Variants in BAAT observed in about 807,000 individuals in gnomAD.
The protein encoded by BAAT is bile acid-CoA:amino acid N-acyltransferase.
BAAT carries 13 observed loss-of-function variants against 18.9 expected under a neutral mutation model. The ratio of observed to expected loss-of-function variants is 0.69; its 90% CI spans 0.45 to 1.10. The LOEUF (loss-of-function observed/expected upper bound fraction) is 1.10. Among genes scored for constraint, BAAT ranks in the 50% least tolerant of loss-of-function variants. The probability of loss-of-function intolerance (pLI) is 0.00; values close to 1 mark genes in which losing one functional copy is unlikely to be tolerated. For missense variants in BAAT, 489 were observed against 504.0 expected, an observed-to-expected ratio of 0.97 and a Z score of 0.28; for synonymous variants, 170 against 190.7, an observed-to-expected ratio of 0.89 and a Z score of 0.89.
At position 101,371,180 on chromosome 9, in the gene BAAT, G is replaced by A. The variant is rs867859273; in HGVS notation, c.225C>T (p.Pro75=). The A allele has an allele frequency of 1.9e-6, 3 of 1,614,048 alleles. No homozygotes were observed. Among genetic ancestry groups the A allele is most frequent in the East Asian group, 2.2e-5 (1 of 44,892 alleles). ...GTTTCAGAGACCAGAAGAGACCCAT[G>A]GGGTGGACTCCCATATAATCCCCTC... ...SLGGDYMGVH[P]MGLFWSLKPE... The change falls in exon 2 of 4, where the codon CCC becomes CCT. Residue 75 remains proline (P), a synonymous_variant. Coordinates refer to ENST00000259407, the MANE Select transcript of BAAT (RefSeq NM_001701.4).
intron 2 of BAAT, among the ~76,000 whole-genome samples, chr9:101,369,352 G>C (rs892961636): frequency 6.6e-6 from 1 of 152,160 alleles, no homozygotes; most frequent in Non-Finnish European, 1.5e-5. Context: ...AAATGAATAA[G>C]GATGTTTTTA....
chr9:101,363,759 G>A (rs1052424238), intron 3 of BAAT, among the ~76,000 whole-genome samples: 6 of 152,174 alleles, frequency 3.9e-5, no homozygotes, highest in Non-Finnish European at 8.8e-5. Context: ...TCAAAGAAAG[G>A]CTCTCAGAGG....
chr9:101,370,015 A>T lies in BAAT; in HGVS notation c.466+924T>A, dbSNP rs548700479. Among the ~76,000 whole-genome samples the T allele has an allele frequency of 2.0e-5, 3 of 152,278 alleles. No homozygotes were observed. The South Asian group carries it at 6.2e-4, about 32-fold the overall frequency. On this transcript the variant is annotated intron_variant, in intron 2 of 3. Transcript: ENST00000259407. ...ATATTTATGAAGCTAGAGGTTACAA[A>T]GTTTCTTGCATCCTCTATATTTGCT...
chr9:101,370,399 A>T (rs952948000), intron 2 of BAAT, among the ~76,000 whole-genome samples: 1 of 144,358 alleles, frequency 6.9e-6, no homozygotes, highest in Non-Finnish European at 1.5e-5. Context: ...TGCAGCCTCA[A>T]TCTCCGAGGC....
chr9:101,366,574 C>G (rs1046239113), intron 3 of BAAT, among the ~76,000 whole-genome samples: 1 of 152,020 alleles, frequency 6.6e-6, no homozygotes, highest in African/African-American at 2.4e-5. Flanking sequence ...AAAAGTCATG[C>G]AGCAAATATA....
At position 101,371,838 on chromosome 9, in the gene BAAT, TTATATA is replaced by T. The variant is rs1018701675; in HGVS notation, c.-59-381_-59-376del. 2.6e-5 allele frequency among the ~76,000 whole-genome samples: 4 copies of T among 152,048 alleles called. No individual in the cohort carries two copies. The East Asian group carries it at 7.7e-4, about 29-fold the overall frequency. Reference sequence around the variant, plus strand: ...GAAAATATGGTTATTTATTGAACGTTTATATATATATGAGACATTTGACTTCACGCT... The same window carrying T: ...GAAAATATGGTTATTTATTGAACGTTTATATGAGACATTTGACTTCACGCT... On this transcript the variant is annotated intron_variant, in intron 1 of 3. Coordinates refer to ENST00000259407, the MANE Select transcript of BAAT (RefSeq NM_001701.4).
At position 101,360,831 on chromosome 9, in the gene BAAT, G is replaced by T. The variant is rs571181388; in HGVS notation, c.*1597C>A. The T allele has an allele frequency of 1.5e-3, 236 of 156,818 alleles. No individual in the cohort carries two copies. Among genetic ancestry groups the T allele is most frequent in the Non-Finnish European group, 1.3e-3 (89 of 68,324 alleles). The allele number at this position is 156,818 out of a possible 1,614,324, so 9.7% of individuals were successfully genotyped here. A position where few individuals can be genotyped will look rare whatever the true frequency, so the allele number is the denominator to read the frequency against. ...AATAAGTTAAAATGCCATCATTGTA[G>T]CTATGCAGCCAAATGCAAACAAACA... is the stretch of plus-strand genomic sequence containing the variant. On this transcript the variant is annotated 3_prime_UTR_variant, in exon 4 of 4. Transcript: ENST00000259407.
Position 101,368,302 on chromosome 9 carries a change from C to A in BAAT, c.487G>T (p.Val163Leu), listed in dbSNP as rs771291562. The change falls in exon 3 of 4, where the codon GTA (valine) becomes TTA (leucine). Residue 163 changes from valine to leucine, a missense_variant. Val to Leu is a conservative substitution (Grantham distance 32). Coordinates refer to ENST00000259407, the MANE Select transcript of BAAT (RefSeq NM_001701.4). ...CCCAAACCACCAAACAAATCAATTA[C>A]CCCTGGGAAGAGACCCTCTCCTGAA... ...LPPGEGLFPG[V>L]IDLFGGLGGL... is the part of the protein sequence containing the mutation. 2 of 1,612,538 alleles carry A rather than the reference C, an allele frequency of 1.2e-6. No individual in the cohort carries two copies. The highest frequency in any genetic ancestry group is 1.7e-5 in the Admixed American group (1 of 59,960).
intron 1 of BAAT, among the ~76,000 whole-genome samples, chr9:101,372,425 C>G (rs1452415828): frequency 6.6e-6 from 1 of 151,948 alleles, no homozygotes; most frequent in Non-Finnish European, 1.5e-5. Context: ...AGGATTTACC[C>G]AAAGGAAAGC....
Position 101,370,955 on chromosome 9 carries a change from A to G in BAAT, c.450T>C (p.Ala150=). Residue 150 remains alanine, a synonymous_variant, in exon 2 of 4, where the codon GCT becomes GCC. Coordinates refer to ENST00000259407, the MANE Select transcript of BAAT (RefSeq NM_001701.4). ...IKVREGRLRG[A]LFLPPGEGLF... is the part of the protein sequence containing the mutation. ...TCTACTCACCTGGAGGGAGAAAGAGAGCTCCTCGAAGGCGGCCTTCTCGAA... is the reference window on the plus strand; with the variant it reads ...TCTACTCACCTGGAGGGAGAAAGAGGGCTCCTCGAAGGCGGCCTTCTCGAA... 1 of 1,614,092 alleles carries G rather than the reference A, an allele frequency of 6.2e-7. No individual in the cohort carries two copies. Among genetic ancestry groups the G allele is most frequent in the Non-Finnish European group, 8.5e-7 (1 of 1,179,994 alleles).
At chr9:101,365,376 G>A (rs1250390677) in intron 3 of BAAT, among the ~76,000 whole-genome samples, 2 of 151,308 alleles carry the variant, frequency 1.3e-5, no homozygotes, top group Non-Finnish European at 2.9e-5. Flanking sequence ...AAATTCTTAG[G>A]GTAAGAGGGA....
At chr9:101,379,401 T>C (rs1168084720) in intron 1 of BAAT, among the ~76,000 whole-genome samples, 1 of 152,222 alleles carries the variant, frequency 6.6e-6, no homozygotes, top group Non-Finnish European at 1.5e-5. Context: ...GGCAAATCCC[T>C]GGCTTTGTTA....
chr9:101,367,114 AAG>A (rs1310050758), intron 3 of BAAT, among the ~76,000 whole-genome samples: 3,449 of 124,796 alleles, frequency 0.028, 190 homozygotes, highest in African/African-American at 0.11. Flanking sequence ...CTGTCAAAAA[AAG>A]AAAAAAAAAA....
chr9:101,366,459 T>C (rs975827930), intron 3 of BAAT, among the ~76,000 whole-genome samples: 12 of 152,064 alleles, frequency 7.9e-5, no homozygotes, highest in African/African-American at 2.7e-4. Context: ...CAATGTGAAG[T>C]AGGTTTAATG....
At chr9:101,364,053 C>T (rs1180777010) in intron 3 of BAAT, among the ~76,000 whole-genome samples, 5 of 152,096 alleles carry the variant, frequency 3.3e-5, no homozygotes, top group Non-Finnish European at 7.4e-5. Flanking sequence ...GAATGGTATT[C>T]TATGCTGAGT....
chr9:101,379,865 T>C (rs1830104810), intron 1 of BAAT, among the ~76,000 whole-genome samples: 1 of 152,228 alleles, frequency 6.6e-6, no homozygotes, highest in Non-Finnish European at 1.5e-5. Context: ...CTTGTGTGCA[T>C]ATTAATGTTA....
chr9:101,372,699 A>G (rs1829974731), intron 1 of BAAT, among the ~76,000 whole-genome samples: 1 of 150,968 alleles, frequency 6.6e-6, no homozygotes, highest in Non-Finnish European at 1.5e-5. Context: ...AAGAATCTAC[A>G]TGAATTGAAC....
chr9:101,373,929 G>A (rs1408651452), intron 1 of BAAT, among the ~76,000 whole-genome samples: 2 of 152,014 alleles, frequency 1.3e-5, no homozygotes, highest in Non-Finnish European at 2.9e-5. Context: ...TTTTGCTTCT[G>A]TTATTTGTGA....
At position 101,363,029 on chromosome 9, in the gene BAAT, T is replaced by C. The variant is rs770145011; in HGVS notation, c.670-14A>G. Reference sequence around the variant, plus strand: ...TGAGCCAAAGACCTGAAAAAAATAATAGAAATGAGAAATTATTCTAGCCTT... The same window carrying C: ...TGAGCCAAAGACCTGAAAAAAATAACAGAAATGAGAAATTATTCTAGCCTT... On this transcript the variant is annotated splice_polypyrimidine_tract_variant and intron_variant, in intron 3 of 3. Coordinates refer to ENST00000259407, the MANE Select transcript of BAAT (RefSeq NM_001701.4). 10 of 1,606,412 alleles carry C rather than the reference T, an allele frequency of 6.2e-6. No individual in the cohort carries two copies. Among genetic ancestry groups the C allele is most frequent in the Middle Eastern group, 1.7e-4 (1 of 6,044 alleles).
Sources: allele counts gnomAD v4.1 joint callset (sites outside exome capture counted in the v4.1 genomes callset), GRCh38; gene constraint gnomAD v4.1.1; transcripts MANE v1.5; gene names NCBI Gene and HGNC (gene_info 2026-07-23, HGNC 2026-07-21).